The following LACTBL1 variants were observed in gnomAD, a reference collection of about 807,000 sequenced individuals.
LACTBL1 encodes beta-lactamase-like protein 1.
Under a neutral mutation model 39.6 loss-of-function variants are expected in LACTBL1, and 29 were observed. The ratio of observed to expected loss-of-function variants is 0.73; its 90% CI spans 0.55 to 1.00. The LOEUF is 1.00. Among genes scored for constraint, LACTBL1 ranks in the 50% least tolerant of loss-of-function variants. LACTBL1 has a pLI of 0.00. For missense variants in LACTBL1, 711 were observed against 748.5 expected (o/e 0.95, Z 0.59); for synonymous variants, 361 against 360.7 (o/e 1.00, Z -0.01).
At chr1:22,970,291 T>G (rs1640924660), upstream of LACTBL1, among the ~76,000 whole-genome samples, 1 of 152,228 alleles carries the variant, frequency 6.6e-6, no homozygotes, top group South Asian at 2.1e-4. Context: ...AACGAGCTAC[T>G]GATACATGCA....
the LACTBL1 span, chr1:22,972,422 T>C: frequency 1.0e-6 from 1 of 984,296 alleles, no homozygotes; most frequent in Middle Eastern, 5.2e-4. Flanking sequence ...CAAAAAGAGG[T>C]CCTGAGGGGC....
At chr1:22,961,810 G>A (rs555498991) in intron 2 of LACTBL1, among the ~76,000 whole-genome samples, 4 of 151,226 alleles carry the variant, frequency 2.6e-5, no homozygotes, top group Non-Finnish European at 5.9e-5. Context: ...GCAGTGGCAC[G>A]ATCTCGGCTC....
At chr1:22,963,837 G>A (rs1009736659) in intron 1 of LACTBL1, among the ~76,000 whole-genome samples, 1 of 152,094 alleles carries the variant, frequency 6.6e-6, no homozygotes, top group Non-Finnish European at 1.5e-5. Flanking sequence ...GCATCCTCCA[G>A]GACTATTAAT....
intron 2 of LACTBL1, among the ~76,000 whole-genome samples, chr1:22,962,836 C>T (rs568794802): frequency 6.6e-6 from 1 of 152,242 alleles, no homozygotes; most frequent in South Asian, 2.1e-4. Context: ...CCCAAAGTCC[C>T]CTAAACTTTT....
At chr1:22,955,329 C>T (rs543523784) in exon 5 of LACTBL1, 39 of 1,550,328 alleles carry the variant, frequency 2.5e-5, no homozygotes, top group East Asian at 2.0e-4. Context: ...ACCTGGTTCC[C>T]GGGTCCACTA....
chr1:22,967,634 C>CAT (rs371735141), upstream of LACTBL1, among the ~76,000 whole-genome samples: 437 of 151,830 alleles, frequency 2.9e-3, 1 homozygote, highest in African/African-American at 1.0e-2. Context: ...TGGTTCCATA[C>CAT]ATATATATAT....
chr1:22,959,251 G>C (rs1035886822), intron 3 of LACTBL1, among the ~76,000 whole-genome samples: 1 of 152,260 alleles, frequency 6.6e-6, no homozygotes, highest in African/African-American at 2.4e-5. Flanking sequence ...ACCCATCTAA[G>C]ATTCAGTTTC....
rs1355599458 is a variant in LACTBL1 at position 22,963,090 on chromosome 1, C to T, written c.159+17G>A. ...GCCCAGCCCATATGCCCAGTTTCCTCCTGGGTCATCACTGACCTTTTCCAG... is the reference window on the plus strand; with the variant it reads ...GCCCAGCCCATATGCCCAGTTTCCTTCTGGGTCATCACTGACCTTTTCCAG... On this transcript the variant is annotated intron_variant, in intron 2 of 5. Transcript: ENST00000426928. The T allele has an allele frequency of 7.9e-6, 10 of 1,262,760 alleles. No homozygotes were observed. Among genetic ancestry groups the T allele is most frequent in the East Asian group, 3.1e-5 (1 of 31,772 alleles). 78.2% of individuals were successfully genotyped at this position (1,262,760 alleles called of 1,614,324 possible).
At chr1:22,954,439 T>G (rs1273276612) in intron 5 of LACTBL1, among the ~76,000 whole-genome samples, 1 of 152,222 alleles carries the variant, frequency 6.6e-6, no homozygotes, top group Non-Finnish European at 1.5e-5. Flanking sequence ...TCTTCCAGGC[T>G]GTAGCAGACA....
At chr1:22,963,843 T>A (rs1042107587) in intron 1 of LACTBL1, among the ~76,000 whole-genome samples, 2 of 152,110 alleles carry the variant, frequency 1.3e-5, no homozygotes, top group African/African-American at 4.8e-5. Flanking sequence ...TCCAGGACTA[T>A]TAATACATCC....
chr1:22,963,184 C>G, exon 2 of LACTBL1: 1 of 1,336,018 alleles, frequency 7.5e-7, no homozygotes, highest in South Asian at 2.2e-5. Flanking sequence ...CACATCCTCA[C>G]AGGGGCAGAG....
intron 2 of LACTBL1, 143 bp downstream of exon 4, chr1:22,962,964 T>G: frequency 2.3e-6 from 1 of 425,820 alleles, no homozygotes; most frequent in East Asian, 3.6e-5. Context: ...ATATCCATAG[T>G]GCCTCGCACA....
At chr1:22,956,155 T>C (rs2124224870) in intron 4 of LACTBL1, among the ~76,000 whole-genome samples, 1 of 151,776 alleles carries the variant, frequency 6.6e-6, no homozygotes, top group African/African-American at 2.4e-5. Flanking sequence ...GGAGGATCAC[T>C]TGAGGCCTGG....
chr1:22,962,699 C>A (rs764567976), intron 2 of LACTBL1, among the ~76,000 whole-genome samples: 1 of 152,120 alleles, frequency 6.6e-6, no homozygotes, highest in Non-Finnish European at 1.5e-5. Flanking sequence ...CTGGAGCACA[C>A]CTCTCCATCC....
intron 3 of LACTBL1, 33 bp downstream of exon 5, chr1:22,959,909 C>T (rs553553579): frequency 1.9e-6 from 3 of 1,550,344 alleles, no homozygotes; most frequent in African/African-American, 2.7e-5. Flanking sequence ...ATCCCTTACC[C>T]CTCCACAGGA....
At chr1:22,963,444 G>A (rs1041359390) in intron 1 of LACTBL1, among the ~76,000 whole-genome samples, 26 of 152,178 alleles carry the variant, frequency 1.7e-4, no homozygotes, top group African/African-American at 6.0e-4. Flanking sequence ...CCTGGTTGGT[G>A]GTCACTGTAC....
chr1:22,971,530 A>C, the LACTBL1 span, among the ~76,000 whole-genome samples: 1 of 151,846 alleles, frequency 6.6e-6, no homozygotes, highest in East Asian at 1.9e-4. Context: ...GCTCCTTCTC[A>C]GGTGTTCTGT....
chr1:22,972,184 T>A, the LACTBL1 span: 1 of 101,006 alleles, frequency 9.9e-6, no homozygotes, highest in African/African-American at 3.6e-5. Flanking sequence ...ATGATGATGA[T>A]GATGATGAAG....
At chr1:22,971,695 A>C in the LACTBL1 span, among the ~76,000 whole-genome samples, 1 of 152,226 alleles carries the variant, frequency 6.6e-6, no homozygotes, top group African/African-American at 2.4e-5. Context: ...TGGCATAATC[A>C]GACACAAGGG....
Sources: allele counts gnomAD v4.1 joint callset (sites outside exome capture counted in the v4.1 genomes callset), GRCh38; gene constraint gnomAD v4.1.1; transcripts MANE v1.5; gene names NCBI Gene and HGNC (gene_info 2026-07-23, HGNC 2026-07-21).